Variants in ZYG11B observed in about 807,000 individuals in gnomAD.
The protein encoded by ZYG11B is protein zyg-11 homolog B.
Under a neutral mutation model 82.4 loss-of-function variants are expected in ZYG11B, and 36 were observed. The observed-to-expected ratio is 0.44, with a 90% confidence interval of 0.33 to 0.58. The LOEUF is 0.58. Ranked by LOEUF, ZYG11B falls within the 20% of genes least tolerant of loss-of-function variation. The pLI, the probability that ZYG11B is intolerant of heterozygous loss-of-function variation, is 0.02. For missense variants in ZYG11B, 552 were observed against 895.6 expected (o/e 0.62, Z 4.90); for synonymous variants, 303 against 312.8 (o/e 0.97, Z 0.33).
rs534605019 is a variant in ZYG11B at position 52,809,972 on chromosome 1, G to C, written c.1696-3564G>C. On this transcript the variant is annotated intron_variant, in intron 10 of 13. Coordinates refer to ENST00000294353, the MANE Select transcript of ZYG11B (RefSeq NM_024646.3). The stretch of plus-strand genomic sequence containing the variant: ...TCTCCCATTCTGCTTGGTAGTTTTT[G>C]ATTGAATGCCAGACATTGTGAATTT... 2.0e-5 allele frequency among the ~76,000 whole-genome samples: 3 copies of C among 152,216 alleles called. No homozygotes were observed. In the South Asian group the frequency reaches 6.2e-4, roughly 32 times the overall value.
chr1:52,794,839 TTTCTC>T (rs1221986812), intron 6 of ZYG11B, among the ~76,000 whole-genome samples: 1 of 152,210 alleles, frequency 6.6e-6, no homozygotes, highest in Admixed American at 6.5e-5. Context: ...AATTCATCCA[TTTCTC>T]TTCACTTCCA....
chr1:52,785,001 A>G lies in ZYG11B; in HGVS notation c.1217A>G (p.Asp406Gly), dbSNP rs200659181. The G allele has an allele frequency of 1.3e-4, 203 of 1,613,968 alleles. 1 individual carries two copies. The highest frequency in any genetic ancestry group is 1.5e-5 in the Non-Finnish European group (18 of 1,180,010). ...GGGATGCCTGTCCGACTCCTGGCTG[A>G]TGTGACCCATTTGCTGCTCAAAGCC... Reference protein sequence around the residue: ...AAGMPVRLLADVTHLLLKAME... With the variant: ...AAGMPVRLLAGVTHLLLKAME... Residue 406 changes from aspartate to glycine, a missense_variant, in exon 5 of 14, where the codon GAT becomes GGT. Asp to Gly is a moderately conservative substitution (Grantham distance 94). This residue lies in a region of ZYG11B where 359 missense variants were observed against 555.8 expected (regional missense o/e 0.65). Transcript: ENST00000294353.
chr1:52,801,802 G>GTTTTT lies in ZYG11B; in HGVS notation c.1486-8_1486-4dup. 7.3e-7 allele frequency: 1 copy of GTTTTT among 1,361,972 alleles called. No individual in the cohort carries two copies. 84.4% of individuals were successfully genotyped at this position (1,361,972 alleles called of 1,614,324 possible). ...AGTTCAAAAGTGAAAACTTATTTCT[G>GTTTTT]TTTTTTTTTTTTTCAGCAACTTCTT... On this transcript the variant is annotated splice_polypyrimidine_tract_variant and intron_variant, in intron 8 of 13. Transcript: ENST00000294353.
At chr1:52,773,245 G>T (rs1368645099) in intron 3 of ZYG11B, among the ~76,000 whole-genome samples, 4 of 151,882 alleles carry the variant, frequency 2.6e-5, no homozygotes, top group Admixed American at 2.0e-4. Flanking sequence ...AGGCAGAGGT[G>T]GGCAGGTCAC....
At chr1:52,773,475 GAA>G (rs576210679) in intron 3 of ZYG11B, among the ~76,000 whole-genome samples, 12 of 107,478 alleles carry the variant, frequency 1.1e-4, no homozygotes, top group Admixed American at 2.9e-4. Flanking sequence ...CTCCGTCTCA[GAA>G]AAAAAAAAAA....
intron 1 of ZYG11B, among the ~76,000 whole-genome samples, chr1:52,754,075 G>C (rs1184574800): frequency 6.6e-6 from 1 of 150,390 alleles, no homozygotes; most frequent in African/African-American, 2.4e-5. Context: ...GCCCAGGCTT[G>C]AGTGCAGTGG....
chr1:52,794,456 ATCAT>A (rs1352616695), intron 6 of ZYG11B, among the ~76,000 whole-genome samples: 2 of 152,220 alleles, frequency 1.3e-5, no homozygotes, highest in Admixed American at 6.5e-5. Context: ...CCTGAAAATA[ATCAT>A]TCAGTCAACA....
intron 7 of ZYG11B, 130 bp from the exon 8 acceptor site, chr1:52,796,604 A>G: frequency 1.1e-6 from 1 of 899,746 alleles, no homozygotes; most frequent in South Asian, 2.0e-5. Context: ...CCTCCCAAAA[A>G]CCGATATGCA....
intron 5 of ZYG11B, among the ~76,000 whole-genome samples, chr1:52,789,116 C>G (rs1367650211): frequency 1.3e-5 from 2 of 152,172 alleles, no homozygotes; most frequent in African/African-American, 4.8e-5. Flanking sequence ...ATATCATTCA[C>G]CTGGGATTCA....
chr1:52,732,626 G>A (rs557516436), intron 1 of ZYG11B, among the ~76,000 whole-genome samples: 13 of 152,268 alleles, frequency 8.5e-5, no homozygotes, highest in African/African-American at 2.9e-4. Context: ...CTAGCTGAGC[G>A]TGGTGGCACA....
intron 3 of ZYG11B, among the ~76,000 whole-genome samples, chr1:52,776,229 A>AAAAAAAAAAAAAAAAAAAAAATATAT: frequency 8.5e-4 from 20 of 23,496 alleles, no homozygotes; most frequent in African/African-American, 1.8e-3. Flanking sequence ...TAAAAAAAAA[A>AAAAAAAAAAAAAAAAAAAAAATATAT]ATATATATAT....
chr1:52,737,980 T>C (rs532012696), intron 1 of ZYG11B, among the ~76,000 whole-genome samples: 2 of 152,318 alleles, frequency 1.3e-5, no homozygotes, highest in East Asian at 3.9e-4. Flanking sequence ...CTAGGATAAA[T>C]GTTCTGTCCA....
In ZYG11B at chr1:52,826,946, A is replaced by C. The variant is rs1383703670; in HGVS notation, c.*5317A>C. 2 of 152,222 alleles carry C rather than the reference A, an allele frequency of 1.3e-5. No homozygotes were observed. Among genetic ancestry groups the C allele is most frequent in the South Asian group, 2.1e-4 (1 of 4,830 alleles). The allele number at this position is 152,222 out of a possible 1,614,324, so 9.4% of individuals were successfully genotyped here. Reference sequence around the variant, plus strand: ...GCTGAGACACTTTATTAAAAGCAGGATCTTAAGAGCATTGTTTTTCCTTAA... The same window carrying C: ...GCTGAGACACTTTATTAAAAGCAGGCTCTTAAGAGCATTGTTTTTCCTTAA... On this transcript the variant is annotated 3_prime_UTR_variant, in exon 14 of 14. Transcript: ENST00000294353.
At chr1:52,758,578 C>T (rs1644599897) in intron 2 of ZYG11B, among the ~76,000 whole-genome samples, 1 of 152,126 alleles carries the variant, frequency 6.6e-6, no homozygotes, top group African/African-American at 2.4e-5. Context: ...TATCCCTGCT[C>T]CTGGATGCCA....
In ZYG11B at chr1:52,756,625, TAA is replaced by T. The variant is rs370376504; in HGVS notation, c.196+8_196+9del. 429 of 1,595,904 alleles carry T rather than the reference TAA, an allele frequency of 2.7e-4. 2 individuals are homozygous for T. In the African/African-American group the frequency reaches 5.0e-3, roughly 19 times the overall value. The stretch of plus-strand genomic sequence containing the variant: ...TGCTTCGGACCATGGCTTTTCATGG[TAA>T]AAAAATAAACAGAGGAAACAAAAAT... On this transcript the variant is annotated splice_donor_region_variant and intron_variant, in intron 2 of 13. Coordinates refer to ENST00000294353, the MANE Select transcript of ZYG11B (RefSeq NM_024646.3).
Position 52,782,122 on chromosome 1 carries a change from G to A in ZYG11B, c.1092+2129G>A, listed in dbSNP as rs548169220. On this transcript the variant is annotated intron_variant, in intron 4 of 13. Coordinates refer to ENST00000294353, the MANE Select transcript of ZYG11B (RefSeq NM_024646.3). ...ACTCTGTCACCCATGCTGGAGTGCAGTGGCATGATCATGGCTCACTGCAGC... is the reference window on the plus strand; with the variant it reads ...ACTCTGTCACCCATGCTGGAGTGCAATGGCATGATCATGGCTCACTGCAGC... Among the ~76,000 whole-genome samples the A allele has an allele frequency of 5.3e-4, 81 of 152,152 alleles. 1 individual carries two copies. Among genetic ancestry groups the A allele is most frequent in the South Asian group, 3.9e-3 (19 of 4,818 alleles).
At chr1:52,808,287 C>A (rs573537269) in intron 10 of ZYG11B, among the ~76,000 whole-genome samples, 53 of 152,192 alleles carry the variant, frequency 3.5e-4, no homozygotes, top group African/African-American at 1.3e-3. Context: ...TCGCTTGAAC[C>A]CAGGAGACGG....
chr1:52,789,962 G>T (rs767897620), intron 5 of ZYG11B, 41 bp from the exon 6 acceptor site: 4 of 1,361,200 alleles, frequency 2.9e-6, no homozygotes, highest in South Asian at 1.4e-5. Flanking sequence ...ATAACAAAGT[G>T]ATATTTTATT....
chr1:52,808,186 A>G (rs1449572228), intron 10 of ZYG11B, among the ~76,000 whole-genome samples: 1 of 152,134 alleles, frequency 6.6e-6, no homozygotes, highest in Non-Finnish European at 1.5e-5. Flanking sequence ...AACATGGCGA[A>G]ACTCCATCTC....
Sources: gnomAD v4.1 joint callset for allele counts (sites outside exome capture counted in the v4.1 genomes callset) on GRCh38, gnomAD v4.1.1 for gene constraint, gnomAD v4.1.1 regional missense constraint, MANE v1.5 for transcripts, NCBI Gene and HGNC (gene_info 2026-07-23, HGNC 2026-07-21) for gene names.